GSK3B: variants seen among roughly 807,000 people sequenced by gnomAD.
The protein encoded by GSK3B is glycogen synthase kinase 3 beta.
GSK3B carries 15 observed loss-of-function variants against 56.4 expected under a neutral mutation model. The ratio of observed to expected loss-of-function variants is 0.27; its 90% CI spans 0.18 to 0.41. The LOEUF (loss-of-function observed/expected upper bound fraction) is 0.41, where lower values mean the gene tolerates loss of function less well. GSK3B is among the 10% of genes least tolerant of loss of function. The pLI, the probability that GSK3B is intolerant of heterozygous loss-of-function variation, is 1.00. For synonymous variants in GSK3B, 181 were observed against 188.9 expected (o/e 0.96, Z 0.34); for missense variants, 300 against 513.4 (o/e 0.58, Z 4.02).
chr3:119,968,248 G>A (rs193252679), intron 2 of GSK3B, among the ~76,000 whole-genome samples: 132 of 151,810 alleles, frequency 8.7e-4, no homozygotes, highest in African/African-American at 3.0e-3. Flanking sequence ...CACCTGCCTT[G>A]GCCAAAGTGC....
intron 7 of GSK3B, among the ~76,000 whole-genome samples, chr3:119,878,621 G>T (rs906442862): frequency 1.3e-5 from 2 of 152,088 alleles, no homozygotes; most frequent in East Asian, 1.9e-4. Context: ...ATACCCAAGA[G>T]AAATGAATGC....
intron 2 of GSK3B, among the ~76,000 whole-genome samples, chr3:120,000,125 C>A (rs1322810324): frequency 6.6e-6 from 1 of 152,066 alleles, no homozygotes; most frequent in Non-Finnish European, 1.5e-5. Context: ...AGAGACACAG[C>A]CACAAGGCAG....
intron 10 of GSK3B, among the ~76,000 whole-genome samples, chr3:119,833,895 G>A (rs142330190): frequency 1.3e-5 from 2 of 151,512 alleles, no homozygotes; most frequent in African/African-American, 4.8e-5. Context: ...ATGGGGTTTC[G>A]CCATGTTGGC....
intron 3 of GSK3B, among the ~76,000 whole-genome samples, chr3:119,928,338 G>T (rs373706322): frequency 2.6e-5 from 4 of 152,264 alleles, no homozygotes; most frequent in South Asian, 4.1e-4. Flanking sequence ...GGGCTTGGTG[G>T]CTCACGCCTG....
intron 7 of GSK3B, among the ~76,000 whole-genome samples, chr3:119,886,670 C>T (rs1056600674): frequency 1.3e-5 from 2 of 152,144 alleles, no homozygotes; most frequent in Non-Finnish European, 2.9e-5. Flanking sequence ...GGTACATATA[C>T]ACCATAGAAT....
At chr3:120,027,749 C>T (rs187008600) in intron 1 of GSK3B, among the ~76,000 whole-genome samples, 25 of 152,252 alleles carry the variant, frequency 1.6e-4, no homozygotes, top group East Asian at 3.9e-4. Flanking sequence ...AAAACAAATG[C>T]TACACAAACA....
In GSK3B at chr3:120,002,121, C is replaced by T. The variant is rs1480739806; in HGVS notation, c.207G>A (p.Val69=). 1.2e-6 allele frequency: 2 copies of T among 1,611,370 alleles called. No individual in the cohort carries two copies. Among genetic ancestry groups the T allele is most frequent in the African/African-American group, 2.7e-5 (2 of 74,602 alleles). ...TKVIGNGSFG[V]VYQAKLCDSG... ...AATCACAAAGTTTGGCTTGATATAC[C>T]ACACCAAATGATCCATTTCCAATCA... The change falls in exon 2 of 11, where the codon GTG becomes GTA. Residue 69 remains valine, a synonymous_variant. Transcript: ENST00000264235.
intron 2 of GSK3B, among the ~76,000 whole-genome samples, chr3:119,982,114 C>T (rs2057468862): frequency 1.3e-5 from 2 of 152,194 alleles, no homozygotes; most frequent in South Asian, 4.1e-4. Context: ...AACAGACCTG[C>T]AGCTGAGGGA....
chr3:119,849,466 A>G (rs1162591694), intron 9 of GSK3B, among the ~76,000 whole-genome samples: 4 of 152,222 alleles, frequency 2.6e-5, no homozygotes, highest in Non-Finnish European at 4.4e-5. Flanking sequence ...TTTTAATAAG[A>G]CATTTTGACA....
At chr3:119,833,092 C>A in intron 10 of GSK3B, 1 of 483,332 alleles carries the variant, frequency 2.1e-6, no homozygotes, top group Non-Finnish European at 2.7e-6. Context: ...CGCAGAATTT[C>A]TTGCCTTGAT....
chr3:120,037,220 C>G (rs761340313), intron 1 of GSK3B, among the ~76,000 whole-genome samples: 4 of 152,188 alleles, frequency 2.6e-5, no homozygotes, highest in Non-Finnish European at 5.9e-5. Context: ...ACTGGCCTTC[C>G]AGTTCTAACT....
chr3:119,860,069 A>T (rs548317770), intron 9 of GSK3B, among the ~76,000 whole-genome samples: 102 of 152,350 alleles, frequency 6.7e-4, no homozygotes, highest in South Asian at 6.0e-3. Context: ...AATAACTTCA[A>T]TTGGTAAAAT....
chr3:120,047,919 A>G (rs533274483), intron 1 of GSK3B, among the ~76,000 whole-genome samples: 15 of 152,292 alleles, frequency 9.8e-5, no homozygotes, highest in African/African-American at 3.6e-4. Context: ...AATCTGCTGT[A>G]TATGTTCTAC....
intron 2 of GSK3B, among the ~76,000 whole-genome samples, chr3:119,998,713 G>A (rs1193675421): frequency 6.6e-6 from 1 of 152,162 alleles, no homozygotes; most frequent in African/African-American, 2.4e-5. Flanking sequence ...ACCACTTTAG[G>A]AAGCCAAGAG....
chr3:120,009,646 C>T (rs1021253886), intron 1 of GSK3B, among the ~76,000 whole-genome samples: 2 of 151,932 alleles, frequency 1.3e-5, no homozygotes, highest in Admixed American at 6.6e-5. Flanking sequence ...ACAATGAGAA[C>T]ACATGGACAC....
intron 7 of GSK3B, among the ~76,000 whole-genome samples, chr3:119,890,038 ATGTGT>A (rs1451534671): frequency 6.6e-6 from 1 of 152,164 alleles, no homozygotes. Flanking sequence ...TGGAATTCTG[ATGTGT>A]TGTTGGTGGG....
Position 119,898,660 on chromosome 3 carries a change from C to G in GSK3B, c.813+7095G>C, listed in dbSNP as rs1202660242. Among the ~76,000 whole-genome samples, 3 of 152,076 alleles carry G rather than the reference C, an allele frequency of 2.0e-5. No individual in the cohort carries two copies. In the East Asian group the frequency reaches 5.8e-4, roughly 29 times the overall value. ...ACAGATGAATCAGATGGTTTTTCCA[C>G]CACCCTACTCTTCCTGTATATACGG... On this transcript the variant is annotated intron_variant, in intron 7 of 10. Coordinates refer to ENST00000264235, the MANE Select transcript of GSK3B (RefSeq NM_001146156.2).
intron 2 of GSK3B, among the ~76,000 whole-genome samples, chr3:120,001,115 G>A (rs146842154): frequency 1.1e-3 from 172 of 149,662 alleles, no homozygotes; most frequent in African/African-American, 4.0e-3. Context: ...TAGTAGAGAC[G>A]GGGTAGAGCC....
chr3:119,900,859 G>A (rs1356907109), intron 7 of GSK3B, among the ~76,000 whole-genome samples: 1 of 152,050 alleles, frequency 6.6e-6, no homozygotes, highest in African/African-American at 2.4e-5. Flanking sequence ...AGAAAATATA[G>A]TATATGAAAA....
Sources: gnomAD v4.1 joint callset for allele counts (sites outside exome capture counted in the v4.1 genomes callset) on GRCh38, gnomAD v4.1.1 for gene constraint, MANE v1.5 for transcripts, NCBI Gene and HGNC (gene_info 2026-07-23, HGNC 2026-07-21) for gene names.